The following KREMEN1 variants were observed in gnomAD, a reference collection of about 807,000 sequenced individuals.
KREMEN1 encodes kringle containing transmembrane protein 1.
A neutral mutation model predicts 46.5 loss-of-function variants in KREMEN1; 30 were observed. The ratio of observed to expected loss-of-function variants is 0.65; its 90% CI spans 0.48 to 0.88. The LOEUF is 0.88. Ranked by LOEUF, KREMEN1 falls within the 40% of genes least tolerant of loss-of-function variation. The probability of loss-of-function intolerance (pLI) is 0.00; values close to 1 mark genes in which losing one functional copy is unlikely to be tolerated. For missense variants in KREMEN1, 533 were observed against 596.9 expected (o/e 0.89, Z 1.11); for synonymous variants, 214 against 230.6 (o/e 0.93, Z 0.65).
At chr22:29,130,190 A>C (rs757617006) in intron 5 of KREMEN1, among the ~76,000 whole-genome samples, 1 of 152,230 alleles carries the variant, frequency 6.6e-6, no homozygotes, top group African/African-American at 2.4e-5. Context: ...AGATGAGAAA[A>C]CTGAGGCTCA....
intron 5 of KREMEN1, among the ~76,000 whole-genome samples, chr22:29,131,332 A>C (rs2038529495): frequency 6.6e-6 from 1 of 151,844 alleles, no homozygotes; most frequent in African/African-American, 2.4e-5. Flanking sequence ...TTAGGTTCTA[A>C]TTTTAGGTAT....
chr22:29,137,313 A>AG (rs1196093682), intron 5 of KREMEN1, 29 bp from the exon 6 acceptor site: 16 of 1,426,834 alleles, frequency 1.1e-5, no homozygotes, highest in Non-Finnish European at 1.4e-5. Flanking sequence ...GCCCAGACTG[A>AG]GGGCGTGGTG....
chr22:29,085,501 T>C (rs2037714851), intron 1 of KREMEN1, among the ~76,000 whole-genome samples: 1 of 152,174 alleles, frequency 6.6e-6, no homozygotes, highest in African/African-American at 2.4e-5. Context: ...CCATCAAATA[T>C]CCAGTCAATG....
At chr22:29,107,095 T>C (rs1026718162) in intron 3 of KREMEN1, among the ~76,000 whole-genome samples, 3 of 152,190 alleles carry the variant, frequency 2.0e-5, no homozygotes, top group African/African-American at 7.2e-5. Flanking sequence ...TTGGACCCAC[T>C]GCACAAAACA....
At chr22:29,125,559 C>A in intron 5 of KREMEN1, 143 bp downstream of exon 5, 2 of 791,440 alleles carry the variant, frequency 2.5e-6, no homozygotes, top group Non-Finnish European at 3.9e-6. Flanking sequence ...CCTGGGAATA[C>A]AGCACAGTGC....
At chr22:29,083,693 A>G (rs2037690286) in intron 1 of KREMEN1, among the ~76,000 whole-genome samples, 2 of 152,130 alleles carry the variant, frequency 1.3e-5, no homozygotes, top group Admixed American at 1.3e-4. Flanking sequence ...TTAGCCAGCC[A>G]TGGTGGTGGG....
At chr22:29,129,105 C>A (rs1019946192) in intron 5 of KREMEN1, among the ~76,000 whole-genome samples, 4 of 152,156 alleles carry the variant, frequency 2.6e-5, no homozygotes, top group African/African-American at 9.7e-5. Context: ...GTCTACAGGA[C>A]CCCTGACAGC....
downstream of KREMEN1, among the ~76,000 whole-genome samples, chr22:29,150,722 G>A (rs1384958432): frequency 6.6e-6 from 1 of 152,202 alleles, no homozygotes; most frequent in Non-Finnish European, 1.5e-5. Flanking sequence ...TCCTGGGTCT[G>A]AGTGAGCTGA....
intron 3 of KREMEN1, among the ~76,000 whole-genome samples, chr22:29,102,385 T>A (rs1355204406): frequency 1.3e-5 from 2 of 152,174 alleles, no homozygotes; most frequent in Non-Finnish European, 2.9e-5. Context: ...CTTAATCAAA[T>A]TTTTAAAATG....
chr22:29,154,584 C>G (rs997842810), intron 9 of KREMEN1: 5 of 152,348 alleles, frequency 3.3e-5, no homozygotes, highest in African/African-American at 1.2e-4. Flanking sequence ...CCTCGCCTTT[C>G]CTGCAGGAGC....
intron 9 of KREMEN1, among the ~76,000 whole-genome samples, chr22:29,164,008 A>T (rs913099293): frequency 6.6e-6 from 1 of 151,772 alleles, no homozygotes; most frequent in African/African-American, 2.4e-5. Context: ...AGCGCACTGC[A>T]GCCTCAAACC....
At chr22:29,137,029 G>T (rs922859733) in intron 5 of KREMEN1, among the ~76,000 whole-genome samples, 16 of 152,186 alleles carry the variant, frequency 1.1e-4, no homozygotes, top group Non-Finnish European at 1.2e-4. Context: ...AGAGGCCCGC[G>T]AGTGAAGTGC....
Position 29,100,438 on chromosome 22 carries a change from G to A in KREMEN1, c.352+1485G>A, listed in dbSNP as rs184929672. Among the ~76,000 whole-genome samples, 172 of 152,236 alleles carry A rather than the reference G, an allele frequency of 1.1e-3. 2 individuals are homozygous for A. Among genetic ancestry groups the A allele is most frequent in the Admixed American group, 9.2e-3 (140 of 15,282 alleles). ...TGTATATAAAGATTATAATGGAGCTGAAAAATTTCTGTTGCCTACTGATGT... is the reference window on the plus strand; with the variant it reads ...TGTATATAAAGATTATAATGGAGCTAAAAAATTTCTGTTGCCTACTGATGT... On this transcript the variant is annotated intron_variant, in intron 3 of 8. Coordinates refer to ENST00000400335, the MANE Select transcript of KREMEN1 (RefSeq NM_001039570.3).
intron 2 of KREMEN1, among the ~76,000 whole-genome samples, chr22:29,097,920 G>T (rs993677488): frequency 2.0e-5 from 3 of 152,046 alleles, no homozygotes; most frequent in Non-Finnish European, 4.4e-5. Context: ...GGTGGCTCAC[G>T]CCTGTAGTCT....
intron 1 of KREMEN1, among the ~76,000 whole-genome samples, chr22:29,078,066 A>G (rs1462543454): frequency 8.5e-5 from 13 of 152,138 alleles, no homozygotes; most frequent in Admixed American, 8.5e-4. Context: ...AGCCTAGGCA[A>G]CATAGTGAGA....
Position 29,142,031 on chromosome 22 carries a change from T to C in KREMEN1, c.1296T>C (p.Pro432=). 1.9e-6 allele frequency: 3 copies of C among 1,613,444 alleles called. No homozygotes were observed. The highest frequency in any genetic ancestry group is 1.7e-6 in the Non-Finnish European group (2 of 1,179,698). ...AAATCTGGAGCATTTTTTACAAGCC[T>C]TCCACTTCAATTTCCATCTTTAAGA... ...SGEIWSIFYK[P]STSISIFKKK... Residue 432 remains proline (P), a synonymous_variant, in exon 9 of 9, where the codon CCT becomes CCC. Transcript: ENST00000400335.
chr22:29,128,077 G>C (rs1180015255), intron 5 of KREMEN1, among the ~76,000 whole-genome samples: 1 of 152,128 alleles, frequency 6.6e-6, no homozygotes, highest in Non-Finnish European at 1.5e-5. Context: ...CAAGGGCTGG[G>C]GGAAGGGGAA....
Position 29,096,891 on chromosome 22 carries a change from C to T in KREMEN1, c.261-1971C>T, listed in dbSNP as rs552683011. ...CTACTTTGATTTCTCAACTGACACCCGACACCATGTTTGTCTTGTGTGACT... is the reference window on the plus strand; with the variant it reads ...CTACTTTGATTTCTCAACTGACACCTGACACCATGTTTGTCTTGTGTGACT... On this transcript the variant is annotated intron_variant, in intron 2 of 8. Transcript: ENST00000400335. Among the ~76,000 whole-genome samples the T allele has an allele frequency of 3.5e-4, 54 of 152,308 alleles. 2 individuals are homozygous for T. The South Asian group carries it at 9.5e-3, about 27-fold the overall frequency.
chr22:29,077,505 A>G (rs1473515675), intron 1 of KREMEN1, among the ~76,000 whole-genome samples: 2 of 152,206 alleles, frequency 1.3e-5, no homozygotes, highest in African/African-American at 4.8e-5. Context: ...ATGCATCACC[A>G]TGCCTGGCTA....
Sources: allele counts gnomAD v4.1 joint callset (sites outside exome capture counted in the v4.1 genomes callset), GRCh38; gene constraint gnomAD v4.1.1; transcripts MANE v1.5; gene names NCBI Gene and HGNC (gene_info 2026-07-23, HGNC 2026-07-21).